The following INPP4B variants were observed in gnomAD, a reference collection of about 807,000 sequenced individuals.
INPP4B encodes inositol polyphosphate-4-phosphatase type II B.
Under a neutral mutation model 122.5 loss-of-function variants are expected in INPP4B, and 55 were observed. That is an observed-to-expected ratio of 0.45 (90% CI 0.36 to 0.56). INPP4B has a LOEUF of 0.56. Among genes scored for constraint, INPP4B ranks in the 20% least tolerant of loss-of-function variants. The pLI, the probability that INPP4B is intolerant of heterozygous loss-of-function variation, is 0.00. For missense variants in INPP4B, 1,000 were observed against 1,097.7 expected, an observed-to-expected ratio of 0.91 and a Z score of 1.26; for synonymous variants, 403 against 388.7, an observed-to-expected ratio of 1.04 and a Z score of -0.43.
chr4:142,670,509 A>G (rs753664645), intron 2 of INPP4B, among the ~76,000 whole-genome samples: 24 of 152,170 alleles, frequency 1.6e-4, no homozygotes, highest in Non-Finnish European at 3.4e-4. Flanking sequence ...ACACAGATGA[A>G]CCAGAAGGAA....
At chr4:142,049,199 A>G (rs1026703630) in intron 25 of INPP4B, among the ~76,000 whole-genome samples, 2 of 152,194 alleles carry the variant, frequency 1.3e-5, no homozygotes, top group South Asian at 2.1e-4. Flanking sequence ...ATCATCATAT[A>G]GCACAGAAAA....
intron 17 of INPP4B, among the ~76,000 whole-genome samples, chr4:142,156,340 C>T (rs1817190542): frequency 6.6e-6 from 1 of 152,032 alleles, no homozygotes; most frequent in Non-Finnish European, 1.5e-5. Flanking sequence ...TTAGAAACCA[C>T]AAAAACTAGG....
intron 7 of INPP4B, among the ~76,000 whole-genome samples, chr4:142,369,597 AAT>A (rs1788996926): frequency 1.3e-5 from 2 of 148,980 alleles, no homozygotes; most frequent in African/African-American, 4.9e-5. Context: ...AAAATAAATA[AAT>A]AAATAAATAA....
At chr4:142,514,034 T>C (rs892682170) in intron 2 of INPP4B, among the ~76,000 whole-genome samples, 2 of 152,072 alleles carry the variant, frequency 1.3e-5, no homozygotes, top group Non-Finnish European at 2.9e-5. Flanking sequence ...AAGGGGGAAG[T>C]GCTTGCCAAA....
intron 2 of INPP4B, among the ~76,000 whole-genome samples, chr4:142,575,707 A>G (rs1264741395): frequency 6.6e-6 from 1 of 152,076 alleles, no homozygotes; most frequent in African/African-American, 2.4e-5. Flanking sequence ...ATTGGCTAGT[A>G]TCATCTGCTT....
At chr4:142,653,282 C>T (rs897918800) in intron 2 of INPP4B, among the ~76,000 whole-genome samples, 6 of 152,106 alleles carry the variant, frequency 3.9e-5, no homozygotes, top group Admixed American at 1.3e-4. Flanking sequence ...AGAAGAAAAC[C>T]TAGGCAATAC....
chr4:142,472,275 G>A (rs1818974765), intron 2 of INPP4B, among the ~76,000 whole-genome samples: 1 of 151,396 alleles, frequency 6.6e-6, no homozygotes, highest in Admixed American at 6.6e-5. Context: ...TGAAAAAAAT[G>A]CATATCTCAG....
chr4:142,271,407 C>G (rs1202028972), intron 9 of INPP4B, among the ~76,000 whole-genome samples: 1 of 152,192 alleles, frequency 6.6e-6, no homozygotes, highest in African/African-American at 2.4e-5. Flanking sequence ...AAATCTAAAA[C>G]AGCATAAACT....
At chr4:142,499,234 G>C (rs1049670027) in intron 2 of INPP4B, among the ~76,000 whole-genome samples, 4 of 151,962 alleles carry the variant, frequency 2.6e-5, no homozygotes, top group African/African-American at 9.7e-5. Context: ...ATGCCACTGG[G>C]GAACTGCTCT....
At chr4:142,554,483 C>G (rs1319128844) in intron 2 of INPP4B, among the ~76,000 whole-genome samples, 1 of 152,048 alleles carries the variant, frequency 6.6e-6, no homozygotes, top group Non-Finnish European at 1.5e-5. Context: ...TCACACCCTC[C>G]AAGTGCCCCC....
At chr4:142,317,491 G>A (rs540521106) in intron 7 of INPP4B, 4 of 275,886 alleles carry the variant, frequency 1.4e-5, no homozygotes, top group South Asian at 9.1e-5. Flanking sequence ...ATTCCAACGC[G>A]CATTATCCAG....
At chr4:142,767,708 A>C (rs550529694) in intron 1 of INPP4B, 1 of 152,306 alleles carries the variant, frequency 6.6e-6, no homozygotes, top group Admixed American at 6.5e-5. Context: ...CTACAATAGG[A>C]GTAAATTACA....
At chr4:142,710,254 C>G (rs1762948006) in intron 2 of INPP4B, among the ~76,000 whole-genome samples, 1 of 152,178 alleles carries the variant, frequency 6.6e-6, no homozygotes, top group African/African-American at 2.4e-5. Flanking sequence ...TACTAGAATA[C>G]ATTTGGATTA....
intron 2 of INPP4B, among the ~76,000 whole-genome samples, chr4:142,651,742 C>G (rs1474184209): frequency 2.6e-5 from 4 of 151,578 alleles, no homozygotes; most frequent in Non-Finnish European, 5.9e-5. Context: ...GCCTACCAAC[C>G]AAAAAAAAGT....
At chr4:142,587,303 G>T (rs1308637228) in intron 2 of INPP4B, among the ~76,000 whole-genome samples, 1 of 151,958 alleles carries the variant, frequency 6.6e-6, no homozygotes, top group East Asian at 1.9e-4. Context: ...CATTTTTGGT[G>T]GTTGTGATTA....
intron 2 of INPP4B, among the ~76,000 whole-genome samples, chr4:142,696,587 C>T (rs1408371481): frequency 1.3e-5 from 2 of 152,180 alleles, no homozygotes; most frequent in Non-Finnish European, 2.9e-5. Context: ...ACTGCTTACA[C>T]CCACTTAAAC....
At chr4:142,812,457 AT>A (rs1275344890) in intron 1 of INPP4B, among the ~76,000 whole-genome samples, 1 of 152,128 alleles carries the variant, frequency 6.6e-6, no homozygotes, top group Non-Finnish European at 1.5e-5. Flanking sequence ...AGTATTGTGC[AT>A]TTTAATAAAT....
intron 23 of INPP4B, among the ~76,000 whole-genome samples, chr4:142,107,739 CTT>C (rs1222720567): frequency 6.6e-6 from 1 of 152,106 alleles, no homozygotes; most frequent in Non-Finnish European, 1.5e-5. Flanking sequence ...TAAATGGAGA[CTT>C]AAATCTTTAG....
chr4:142,466,247 A>G (rs1414609804), intron 2 of INPP4B, among the ~76,000 whole-genome samples: 1 of 152,172 alleles, frequency 6.6e-6, no homozygotes, highest in Non-Finnish European at 1.5e-5. Context: ...ACAGATACAG[A>G]CAGTGATGTC....
Sources: gnomAD v4.1 joint callset for allele counts (sites outside exome capture counted in the v4.1 genomes callset) on GRCh38, gnomAD v4.1.1 for gene constraint, MANE v1.5 for transcripts, NCBI Gene and HGNC (gene_info 2026-07-23, HGNC 2026-07-21) for gene names.